The following SAMD4A variants were observed in gnomAD, a reference collection of about 807,000 sequenced individuals.
The protein encoded by SAMD4A is protein Smaug homolog 1.
Under a neutral mutation model 81.3 loss-of-function variants are expected in SAMD4A, and 33 were observed. The ratio of observed to expected loss-of-function variants is 0.41; its 90% CI spans 0.31 to 0.54. The LOEUF is 0.54. SAMD4A is among the 20% of genes least tolerant of loss of function. SAMD4A has a pLI of 0.37. For missense variants in SAMD4A, 854 were observed against 951.1 expected (o/e 0.90, Z 1.34); for synonymous variants, 389 against 382.1 (o/e 1.02, Z -0.21).
chr14:54,770,368 A>G lies in SAMD4A; in HGVS notation c.1715+146A>G, dbSNP rs1016854894. On this transcript the variant is annotated intron_variant, in intron 9 of 12. Coordinates refer to ENST00000554335, the MANE Select transcript of SAMD4A (RefSeq NM_015589.6). ...GGCGAGTTCCAAATTGCATTGCTTA[A>G]ACAGGTGGGGCTGGGAAAAGGCTGT... 5 of 645,250 alleles carry G rather than the reference A, an allele frequency of 7.7e-6. No homozygotes were observed. The South Asian group carries it at 1.0e-4, about 13-fold the overall frequency. The allele number at this position is 645,250 out of a possible 1,614,324, so 40.0% of individuals were successfully genotyped here.
At chr14:54,742,804 A>C (rs989710540) in intron 4 of SAMD4A, among the ~76,000 whole-genome samples, 4 of 152,380 alleles carry the variant, frequency 2.6e-5, no homozygotes, top group African/African-American at 4.8e-5. Flanking sequence ...GTAGAAAAAG[A>C]AACAACTGGC....
chr14:54,635,333 G>A (rs1376212040), intron 2 of SAMD4A, among the ~76,000 whole-genome samples: 1 of 148,220 alleles, frequency 6.7e-6, no homozygotes, highest in Non-Finnish European at 1.5e-5. Context: ...GCTGAGGCAG[G>A]AGAATCACTC....
intron 2 of SAMD4A, among the ~76,000 whole-genome samples, chr14:54,605,925 T>G (rs1371235691): frequency 1.3e-5 from 2 of 152,158 alleles, no homozygotes; most frequent in African/African-American, 4.8e-5. Flanking sequence ...GCTTGCTAAA[T>G]AGTCAACATT....
chr14:54,663,041 T>C (rs550570952), intron 2 of SAMD4A, among the ~76,000 whole-genome samples: 2 of 152,204 alleles, frequency 1.3e-5, no homozygotes, highest in African/African-American at 2.4e-5. Flanking sequence ...GGGAAACTAC[T>C]CCATTGAAGT....
At chr14:54,659,780 C>T (rs2035598673) in intron 2 of SAMD4A, among the ~76,000 whole-genome samples, 1 of 152,216 alleles carries the variant, frequency 6.6e-6, no homozygotes, top group African/African-American at 2.4e-5. Flanking sequence ...TTGGAAACTA[C>T]TTGTGCTGCA....
chr14:54,570,113 C>G (rs2033086262), intron 2 of SAMD4A, among the ~76,000 whole-genome samples: 1 of 152,194 alleles, frequency 6.6e-6, no homozygotes, highest in South Asian at 2.1e-4. Flanking sequence ...AGGAACTGGT[C>G]TCCAGTTTCT....
chr14:54,771,691 C>A (rs2038710835), intron 9 of SAMD4A, among the ~76,000 whole-genome samples: 1 of 152,192 alleles, frequency 6.6e-6, no homozygotes, highest in African/African-American at 2.4e-5. Flanking sequence ...ATACTTTTCC[C>A]AGGTGAATAG....
intron 2 of SAMD4A, chr14:54,668,912 C>T (rs966106980): frequency 6.6e-6 from 1 of 152,236 alleles, no homozygotes; most frequent in Non-Finnish European, 1.5e-5. Context: ...TCTCTCTCCA[C>T]CATATCACTC....
At position 54,748,872 on chromosome 14, in the gene SAMD4A, A is replaced by G; in HGVS notation, c.1037A>G (p.Gln346Arg). The G allele has an allele frequency of 1.3e-6, 2 of 1,555,620 alleles. No individual in the cohort carries two copies. Among genetic ancestry groups the G allele is most frequent in the Non-Finnish European group, 8.7e-7 (1 of 1,148,768 alleles). Residue 346 changes from glutamine (Q) to arginine (R), a missense_variant, in exon 5 of 13, where the codon CAG becomes CGG. By Grantham distance (43) the Gln-to-Arg change is conservative. Around this residue, in one of 3 missense-constraint regions of SAMD4A, gnomAD observed 39 missense variants for 74.1 expected, o/e 0.53. Transcript: ENST00000554335. ...RLHKYAALFS[Q>R]MTYEEMMALT... ...CACAAATATGCCGCGCTTTTCTCCCAGATGACCTATGAGGAGATGATGGCC... is the reference window on the plus strand; with the variant it reads ...CACAAATATGCCGCGCTTTTCTCCCGGATGACCTATGAGGAGATGATGGCC...
intron 4 of SAMD4A, among the ~76,000 whole-genome samples, chr14:54,744,107 G>T (rs992759252): frequency 1.3e-5 from 2 of 152,146 alleles, no homozygotes; most frequent in Admixed American, 6.5e-5. Flanking sequence ...TCTTCCATCT[G>T]CAGTTACCAG....
At chr14:54,669,497 C>T (rs1164744434) in intron 2 of SAMD4A, among the ~76,000 whole-genome samples, 1 of 147,218 alleles carries the variant, frequency 6.8e-6, no homozygotes, top group African/African-American at 2.6e-5. Context: ...CTCTGTTGCC[C>T]AGGCTGGCTG....
intron 4 of SAMD4A, among the ~76,000 whole-genome samples, chr14:54,747,681 A>G (rs998748733): frequency 6.6e-6 from 1 of 152,264 alleles, no homozygotes; most frequent in African/African-American, 2.4e-5. Flanking sequence ...TCAGCCACTG[A>G]TAGGCTGTTT....
intron 2 of SAMD4A, among the ~76,000 whole-genome samples, chr14:54,683,212 C>T (rs372857580): frequency 3.9e-5 from 6 of 152,308 alleles, no homozygotes; most frequent in Admixed American, 2.6e-4. Context: ...GATCTCAGGA[C>T]GATCCTTATA....
Position 54,702,223 on chromosome 14 carries a change from G to T in SAMD4A, c.358G>T (p.Glu120Ter). The change falls in exon 3 of 13, where the codon GAG (glutamate) becomes TAG (stop). Residue 120 changes from glutamate (E) to a stop codon, truncating the protein, a stop_gained. Coordinates refer to ENST00000554335, the MANE Select transcript of SAMD4A (RefSeq NM_015589.6). LOFTEE classifies it high-confidence loss of function. ...CTCTATTGAACACAACCAGCACATT[G>T]AGGAGAGCAGGCAGCTGCTGTCCTA... Reference protein sequence around the residue: ...AHSIEHNQHIEESRQLLSYAL... With the variant: ...AHSIEHNQHI 1 of 1,614,166 alleles carries T rather than the reference G, an allele frequency of 6.2e-7. No individual in the cohort carries two copies. Among genetic ancestry groups the T allele is most frequent in the Non-Finnish European group, 8.5e-7 (1 of 1,180,028 alleles).
At chr14:54,718,061 C>T (rs571692388) in intron 3 of SAMD4A, among the ~76,000 whole-genome samples, 4 of 152,208 alleles carry the variant, frequency 2.6e-5, no homozygotes, top group African/African-American at 9.6e-5. Flanking sequence ...CCCCCAGCCA[C>T]TCAATCTATA....
At chr14:54,587,866 T>C (rs1295155854) in intron 2 of SAMD4A, among the ~76,000 whole-genome samples, 1 of 152,178 alleles carries the variant, frequency 6.6e-6, no homozygotes, top group Non-Finnish European at 1.5e-5. Context: ...GTTATGCCTT[T>C]CCCTGGTTTT....
chr14:54,622,733 A>T (rs949360520), intron 2 of SAMD4A, among the ~76,000 whole-genome samples: 7 of 152,218 alleles, frequency 4.6e-5, no homozygotes, highest in Admixed American at 2.6e-4. Flanking sequence ...CATGGTTCTG[A>T]TTTGACTGGT....
At chr14:54,725,591 C>T (rs2140883940) in intron 3 of SAMD4A, among the ~76,000 whole-genome samples, 1 of 152,318 alleles carries the variant, frequency 6.6e-6, no homozygotes, top group South Asian at 2.1e-4. Context: ...GCATGAATGT[C>T]ATTAGATTAG....
chr14:54,671,003 G>A (rs1009391129), intron 2 of SAMD4A, among the ~76,000 whole-genome samples: 6 of 152,110 alleles, frequency 3.9e-5, no homozygotes, highest in Non-Finnish European at 7.3e-5. Flanking sequence ...GGCACCCACC[G>A]AGGATGTGCA....
Sources: allele counts gnomAD v4.1 joint callset (sites outside exome capture counted in the v4.1 genomes callset), GRCh38; gene constraint gnomAD v4.1.1; regional missense constraint gnomAD v4.1.1; transcripts MANE v1.5; gene names NCBI Gene and HGNC (gene_info 2026-07-23, HGNC 2026-07-21).